Variants in CAMK1D observed in about 807,000 individuals in gnomAD.
CAMK1D encodes the protein calcium/calmodulin dependent protein kinase ID.
In CAMK1D, 9 loss-of-function variants were observed where a neutral mutation model predicts 47.7. That is an observed-to-expected ratio of 0.19 (90% CI 0.11 to 0.33). The LOEUF (loss-of-function observed/expected upper bound fraction) is 0.33. CAMK1D is among the 10% of genes least tolerant of loss of function. CAMK1D has a pLI of 1.00. For synonymous variants in CAMK1D, 184 were observed against 184.9 expected (o/e 0.99, Z 0.04); for missense variants, 291 against 488.7 (o/e 0.60, Z 3.81).
chr10:12,369,746 G>C (rs964368680), intron 1 of CAMK1D, among the ~76,000 whole-genome samples: 1 of 152,064 alleles, frequency 6.6e-6, no homozygotes, highest in Non-Finnish European at 1.5e-5. Flanking sequence ...GTCGCTTGGG[G>C]TCAGGAGGTC....
intron 1 of CAMK1D, among the ~76,000 whole-genome samples, chr10:12,434,301 T>A (rs1383859193): frequency 6.6e-6 from 1 of 152,254 alleles, no homozygotes; most frequent in African/African-American, 2.4e-5. Context: ...CACCCCTGAC[T>A]TGTGACCCCA....
rs920245550 is a variant in CAMK1D at position 12,698,260 on chromosome 10, G to T, written c.299+31450G>T. 2.6e-5 allele frequency among the ~76,000 whole-genome samples: 4 copies of T among 152,160 alleles called. No individual in the cohort carries two copies. The East Asian group carries it at 7.7e-4, about 29-fold the overall frequency. On this transcript the variant is annotated intron_variant, in intron 3 of 10. Coordinates refer to ENST00000619168, the MANE Select transcript of CAMK1D (RefSeq NM_153498.4). Reference sequence around the variant, plus strand: ...AAATTTAAAAATAGCCTCATCCTCAGGAATGTTTAAGACATTTACAGTTAC... The same window carrying T: ...AAATTTAAAAATAGCCTCATCCTCATGAATGTTTAAGACATTTACAGTTAC...
chr10:12,420,605 C>T (rs1282373914), intron 1 of CAMK1D, among the ~76,000 whole-genome samples: 9 of 151,880 alleles, frequency 5.9e-5, no homozygotes, highest in Non-Finnish European at 1.2e-4. Flanking sequence ...TGCCCCCAAA[C>T]TACTTAGGGA....
At chr10:12,387,374 T>TTATATATTATATTTTATATATATAATA (rs1838535309) in intron 1 of CAMK1D, among the ~76,000 whole-genome samples, 3 of 37,718 alleles carry the variant, frequency 8.0e-5, no homozygotes, top group African/African-American at 1.4e-4. Context: ...AATATATATA[T>TTATATATTATATTTTATATATATAATA]TATATATTAT....
intron 9 of CAMK1D, 48 bp downstream of exon 9, chr10:12,824,600 C>T: frequency 7.0e-7 from 1 of 1,421,040 alleles, no homozygotes; most frequent in Non-Finnish European, 9.9e-7. Flanking sequence ...CCCCTCGTGA[C>T]ACTGGCCCTC....
intron 3 of CAMK1D, among the ~76,000 whole-genome samples, chr10:12,751,757 C>T (rs1424057964): frequency 6.6e-6 from 1 of 152,182 alleles, no homozygotes; most frequent in Non-Finnish European, 1.5e-5. Flanking sequence ...TGTGTGAGGG[C>T]TCTGCAGGTC....
At chr10:12,523,847 CTCTT>C (rs987160535) in intron 1 of CAMK1D, among the ~76,000 whole-genome samples, 1 of 152,106 alleles carries the variant, frequency 6.6e-6, no homozygotes. Flanking sequence ...TCTTTACTGA[CTCTT>C]TCTTTCGTGG....
At chr10:12,537,359 A>G (rs908791645) in intron 1 of CAMK1D, among the ~76,000 whole-genome samples, 3 of 152,214 alleles carry the variant, frequency 2.0e-5, no homozygotes, top group Admixed American at 6.5e-5. Context: ...GAAGTGAACC[A>G]CCGCACCCAG....
At chr10:12,353,036 C>T (rs948360066) in intron 1 of CAMK1D, among the ~76,000 whole-genome samples, 8 of 152,252 alleles carry the variant, frequency 5.3e-5, no homozygotes, top group South Asian at 4.1e-4. Context: ...TGCGCCCAGC[C>T]GCCTCTGTGT....
At chr10:12,429,776 C>T (rs559881147) in intron 1 of CAMK1D, among the ~76,000 whole-genome samples, 6 of 152,180 alleles carry the variant, frequency 3.9e-5, no homozygotes, top group Non-Finnish European at 7.3e-5. Context: ...CTGAGACCAC[C>T]GGGTGCCTGT....
chr10:12,355,885 G>A (rs1335238057), intron 1 of CAMK1D, among the ~76,000 whole-genome samples: 1 of 152,176 alleles, frequency 6.6e-6, no homozygotes. Context: ...GGAACAGCAC[G>A]TTAGAAGCTG....
chr10:12,800,500 C>T (rs1174093449), intron 6 of CAMK1D, among the ~76,000 whole-genome samples: 1 of 152,156 alleles, frequency 6.6e-6, no homozygotes, highest in Non-Finnish European at 1.5e-5. Flanking sequence ...ACCCAGTGGT[C>T]GCTACATGTG....
At chr10:12,673,297 G>C (rs1221568771) in intron 3 of CAMK1D, among the ~76,000 whole-genome samples, 1 of 151,824 alleles carries the variant, frequency 6.6e-6, no homozygotes, top group Non-Finnish European at 1.5e-5. Flanking sequence ...AAACGTAAGT[G>C]TTTTCATTTT....
intron 1 of CAMK1D, among the ~76,000 whole-genome samples, chr10:12,507,504 A>G (rs548669811): frequency 7.9e-5 from 12 of 151,880 alleles, no homozygotes; most frequent in Non-Finnish European, 1.5e-4. Flanking sequence ...ATATCAGGAA[A>G]TCCTATTTTT....
At chr10:12,815,896 A>G (rs551865609) in intron 7 of CAMK1D, among the ~76,000 whole-genome samples, 2 of 152,346 alleles carry the variant, frequency 1.3e-5, no homozygotes, top group African/African-American at 4.8e-5. Context: ...AGATGATGTC[A>G]CCAAAACAGT....
At position 12,825,599 on chromosome 10, in the gene CAMK1D, C is replaced by G. The variant is rs1757051; in HGVS notation, c.948C>G (p.Val316=). The G allele has an allele frequency of 0.76, 1,216,364 of 1,609,828 alleles. 460,253 individuals are homozygous for G. The highest frequency in any genetic ancestry group is 0.86 in the East Asian group (38,510 of 44,848). ...AAGCATTTAATGCCACGGCCGTCGT[C>G]AGACATATGAGAAAACTACACCTCG... ...WRQAFNATAV[V]RHMRKLHLGS... is the part of the protein sequence containing the mutation. Residue 316 remains valine (V), a synonymous_variant, in exon 10 of 11, where the codon GTC becomes GTG. Transcript: ENST00000619168.
intron 1 of CAMK1D, among the ~76,000 whole-genome samples, chr10:12,539,395 G>T: frequency 6.6e-6 from 1 of 152,220 alleles, no homozygotes. Context: ...TCAAAAGAGT[G>T]CCTAAAGTCA....
chr10:12,742,226 C>T (rs1357422102), intron 3 of CAMK1D, among the ~76,000 whole-genome samples: 2 of 152,254 alleles, frequency 1.3e-5, no homozygotes, highest in Non-Finnish European at 2.9e-5. Flanking sequence ...GCCTCAAACT[C>T]CTGGGCTCAA....
At chr10:12,358,207 A>G (rs961630846) in intron 1 of CAMK1D, among the ~76,000 whole-genome samples, 5 of 152,124 alleles carry the variant, frequency 3.3e-5, no homozygotes, top group African/African-American at 1.2e-4. Flanking sequence ...CCTGGGTGAC[A>G]GAGAGAGACC....
Sources: allele counts gnomAD v4.1 joint callset (sites outside exome capture counted in the v4.1 genomes callset), GRCh38; gene constraint gnomAD v4.1.1; transcripts MANE v1.5; gene names NCBI Gene and HGNC (gene_info 2026-07-23, HGNC 2026-07-21).